Variants in FMO2 observed in about 807,000 individuals in gnomAD.
FMO2 encodes the protein flavin containing dimethylaniline monoxygenase 2.
In FMO2, 33 loss-of-function variants were observed where a neutral mutation model predicts 41.6. The ratio of observed to expected loss-of-function variants is 0.79; its 90% CI spans 0.60 to 1.06. FMO2 has a LOEUF of 1.06. Ranked by LOEUF, FMO2 falls within the 50% of genes least tolerant of loss-of-function variation. The probability of loss-of-function intolerance (pLI) is 0.00; values close to 1 mark genes in which losing one functional copy is unlikely to be tolerated. For synonymous variants in FMO2, 214 were observed against 219.6 expected, an observed-to-expected ratio of 0.97 and a Z score of 0.23; for missense variants, 619 against 632.9, an observed-to-expected ratio of 0.98 and a Z score of 0.23.
intron 2 of FMO2, among the ~76,000 whole-genome samples, chr1:171,191,538 C>T (rs1445858629): frequency 6.6e-6 from 1 of 152,126 alleles, no homozygotes; most frequent in Non-Finnish European, 1.5e-5. Context: ...TTTATTCACT[C>T]TCATTAAAGC....
At chr1:171,193,023 C>T (rs1053501500) in intron 2 of FMO2, among the ~76,000 whole-genome samples, 3 of 152,142 alleles carry the variant, frequency 2.0e-5, no homozygotes, top group Non-Finnish European at 4.4e-5. Context: ...GTCACAAAGA[C>T]TGGCATTAAA....
At position 171,209,048 on chromosome 1, in the gene FMO2, T is replaced by G; in HGVS notation, c.1511T>G (p.Leu504Arg). Residue 504 changes from leucine to arginine, a missense_variant, in exon 9 of 9, where the codon CTG (leucine) becomes CGG (arginine). Coordinates refer to ENST00000209929, the MANE Select transcript of FMO2 (RefSeq NM_001460.5). ...RILKPLKTRA[L>R]KDSSNFSVSF... ...CTGAAGCCACTCAAGACTCGGGCCC[T>G]GAAGGATTCATCTAATTTCTCAGTT... The G allele has an allele frequency of 8.6e-7, 1 of 1,166,996 alleles. No individual in the cohort carries two copies. Among genetic ancestry groups the G allele is most frequent in the Non-Finnish European group, 1.2e-6 (1 of 816,666 alleles). 72.3% of individuals were successfully genotyped at this position (1,166,996 alleles called of 1,614,324 possible). A position where few individuals can be genotyped will look rare whatever the true frequency, so the allele number is the denominator to read the frequency against.
In FMO2 at chr1:171,207,783, A is replaced by AT; in HGVS notation, c.1251dup (p.Asp418Ter). ...CATTATCAAAAGGAATGAAAAAAGA[A>AT]TTGACCTGTAAGAATTTTTTTTAAT... On this transcript the variant is annotated frameshift_variant, in exon 8 of 9. Transcript: ENST00000209929. LOFTEE classifies it low-confidence loss of function (END_TRUNC). The AT allele has an allele frequency of 6.3e-7, 1 of 1,593,796 alleles. No homozygotes were observed. Among genetic ancestry groups the AT allele is most frequent in the East Asian group, 2.2e-5 (1 of 44,772 alleles).
At chr1:171,203,362 A>T (rs1269024366) in intron 5 of FMO2, among the ~76,000 whole-genome samples, 1 of 143,452 alleles carries the variant, frequency 7.0e-6, no homozygotes, top group Non-Finnish European at 1.6e-5. Flanking sequence ...CACACACAAA[A>T]TAAAGTCTTT....
Position 171,185,751 on chromosome 1 carries a change from G to C in FMO2, c.38G>C (p.Ser13Thr), listed in dbSNP as rs1657815185. ...KKVAVIGAGV[S>T]GLISLKCCVD... ...GTAGCTGTGATTGGAGCTGGGGTCA[G>C]TGGCCTAATTTCTCTGAAGTGCTGT... The change falls in exon 2 of 9, where the codon AGT (serine) becomes ACT (threonine). Residue 13 changes from serine to threonine, a missense_variant. Physicochemically the swap from Ser to Thr is moderately conservative, Grantham distance 58. Transcript: ENST00000209929. 2 of 1,613,910 alleles carry C rather than the reference G, an allele frequency of 1.2e-6. No homozygotes were observed. The highest frequency in any genetic ancestry group is 1.1e-5 in the South Asian group (1 of 91,076).
intron 2 of FMO2, among the ~76,000 whole-genome samples, chr1:171,191,583 G>A (rs1015703575): frequency 6.6e-6 from 1 of 152,046 alleles, no homozygotes; most frequent in Non-Finnish European, 1.5e-5. Context: ...AGTTATTAAT[G>A]AGCCCCATTT....
chr1:171,188,849 C>G (rs1009133271), intron 2 of FMO2: 2 of 152,134 alleles, frequency 1.3e-5, no homozygotes, highest in Admixed American at 6.5e-5. Flanking sequence ...CCAGCACCCC[C>G]TAGTGGCACA....
chr1:171,186,017 A>G, intron 2 of FMO2, 172 bp downstream of exon 2: 4 of 668,322 alleles, frequency 6.0e-6, no homozygotes, highest in Non-Finnish European at 4.8e-6. Flanking sequence ...TCTCTCCCCC[A>G]GTCAATACTA....
chr1:171,187,841 T>G, intron 2 of FMO2, among the ~76,000 whole-genome samples: 1 of 152,034 alleles, frequency 6.6e-6, no homozygotes, highest in Non-Finnish European at 1.5e-5. Flanking sequence ...AGGGAGAAAT[T>G]GATTCTTCTG....
In FMO2 at chr1:171,185,885, T is replaced by C. The variant is rs546779202; in HGVS notation, c.132+40T>C. ...CTTGGGTCTTGAACAGGTTGTGTTGTTATTTCAGGGTGAATCACAGTTACT... is the reference window on the plus strand; with the variant it reads ...CTTGGGTCTTGAACAGGTTGTGTTGCTATTTCAGGGTGAATCACAGTTACT... On this transcript the variant is annotated intron_variant, in intron 2 of 8. Coordinates refer to ENST00000209929, the MANE Select transcript of FMO2 (RefSeq NM_001460.5). 2.6e-5 allele frequency: 42 copies of C among 1,600,932 alleles called. No individual in the cohort carries two copies. The South Asian group carries it at 3.9e-4, about 15-fold the overall frequency.
intron 5 of FMO2, among the ~76,000 whole-genome samples, chr1:171,200,242 C>A (rs1271112057): frequency 6.6e-6 from 1 of 152,192 alleles, no homozygotes; most frequent in Non-Finnish European, 1.5e-5. Context: ...GTCTTCTTTG[C>A]ACCTGCTCAG....
intron 1 of FMO2, 79 bp from the exon 2 acceptor site, chr1:171,185,629 C>T: frequency 7.0e-7 from 1 of 1,426,700 alleles, no homozygotes. Context: ...TGTTTAAAGC[C>T]AATTACCTGA....
intron 4 of FMO2, among the ~76,000 whole-genome samples, chr1:171,197,304 G>A (rs984048806): frequency 1.3e-5 from 2 of 152,136 alleles, no homozygotes; most frequent in African/African-American, 4.8e-5. Flanking sequence ...CTTTCCCAAG[G>A]CCCTTAGGAA....
chr1:171,195,189 T>C (rs1159007906), intron 3 of FMO2, among the ~76,000 whole-genome samples: 1 of 152,220 alleles, frequency 6.6e-6, no homozygotes, highest in Non-Finnish European at 1.5e-5. Context: ...TTCTGTTTAT[T>C]GGTCTCTGAG....
chr1:171,191,765 T>C (rs1316358448), intron 2 of FMO2, among the ~76,000 whole-genome samples: 1 of 151,054 alleles, frequency 6.6e-6, no homozygotes, highest in African/African-American at 2.4e-5. Flanking sequence ...GGCTCATACC[T>C]GTAATCCCAG....
chr1:171,196,527 C>T, intron 3 of FMO2, 122 bp from the exon 4 acceptor site: 1 of 793,122 alleles, frequency 1.3e-6, no homozygotes, highest in Non-Finnish European at 2.1e-6. Context: ...ATTCAACACC[C>T]TTAACAGATT....
Position 171,207,740 on chromosome 1 carries a change from G to C in FMO2, c.1206G>C (p.Glu402Asp). 1 of 1,610,970 alleles carries C rather than the reference G, an allele frequency of 6.2e-7. No homozygotes were observed. The highest frequency in any genetic ancestry group is 1.3e-5 in the African/African-American group (1 of 74,722). ...VFKGLCSLPS[E>D]RTMMMDIIKR... Reference sequence around the variant, plus strand: ...TAGGCTTGTGTAGCCTGCCCTCAGAGAGAACTATGATGATGGACATTATCA... The same window carrying C: ...TAGGCTTGTGTAGCCTGCCCTCAGACAGAACTATGATGATGGACATTATCA... The change falls in exon 8 of 9, where the codon GAG (glutamate) becomes GAC (aspartate). Residue 402 changes from glutamate (E) to aspartate (D), a missense_variant. Physicochemically the swap from Glu to Asp is conservative, Grantham distance 45. Coordinates refer to ENST00000209929, the MANE Select transcript of FMO2 (RefSeq NM_001460.5).
chr1:171,194,366 A>G (rs1658216649), intron 3 of FMO2, among the ~76,000 whole-genome samples: 1 of 152,238 alleles, frequency 6.6e-6, no homozygotes. Flanking sequence ...TGCTTCCTCA[A>G]AATCAACAAA....
Position 171,205,350 on chromosome 1 carries a change from A to G in FMO2, c.899A>G (p.Lys300Arg). Residue 300 changes from lysine to arginine, a missense_variant, in exon 7 of 9, where the codon AAA becomes AGA. By Grantham distance (26) the Lys-to-Arg change is conservative. Transcript: ENST00000209929. Reference sequence around the variant, plus strand: ...CTACTCTGTGGAGCCATCAAGGTGAAATCTACAGTGAAAGAGCTCACAGAA... The same window carrying G: ...CTACTCTGTGGAGCCATCAAGGTGAGATCTACAGTGAAAGAGCTCACAGAA... ...SRLLCGAIKV[K>R]STVKELTETS... 1 of 1,613,878 alleles carries G rather than the reference A, an allele frequency of 6.2e-7. No homozygotes were observed. Among genetic ancestry groups the G allele is most frequent in the Non-Finnish European group, 8.5e-7 (1 of 1,179,868 alleles).
Sources: gnomAD v4.1 joint callset for allele counts (sites outside exome capture counted in the v4.1 genomes callset) on GRCh38, gnomAD v4.1.1 for gene constraint, MANE v1.5 for transcripts, NCBI Gene and HGNC (gene_info 2026-07-23, HGNC 2026-07-21) for gene names.